The following PLCB1 variants were observed in gnomAD, a reference collection of about 807,000 sequenced individuals.
PLCB1 encodes the protein phospholipase C beta 1.
PLCB1 carries 46 observed loss-of-function variants against 161.8 expected under a neutral mutation model. The observed-to-expected ratio is 0.28, with a 90% CI of 0.22 to 0.36. The LOEUF is 0.36. Ranked by LOEUF, PLCB1 falls within the 10% of genes least tolerant of loss-of-function variation. The probability of loss-of-function intolerance (pLI) is 1.00; values close to 1 mark genes in which losing one functional copy is unlikely to be tolerated. For missense variants in PLCB1, 1,016 were observed against 1,472.5 expected (o/e 0.69, Z 5.07); for synonymous variants, 517 against 503.7 (o/e 1.03, Z -0.35).
rs150155887 is a variant in PLCB1, at chr20:8,607,398, C to T, written c.247-20896C>T. Among the ~76,000 whole-genome samples the T allele has an allele frequency of 3.2e-4, 49 of 152,296 alleles. No homozygotes were observed. The East Asian group carries it at 8.9e-3, about 28-fold the overall frequency. ...GTGTTTCAAATAGAAATCTAAACTC[C>T]ATCCCTCTAAGAGCCCTTGTGACTT... On this transcript the variant is annotated intron_variant, in intron 3 of 31. Coordinates refer to ENST00000338037, the MANE Select transcript of PLCB1 (RefSeq NM_015192.4).
rs113940475 is a variant in PLCB1 at position 8,635,983 on chromosome 20, T to G, written c.384+7552T>G. ...TTTTGAAACACTTGCGTATATTCTG[T>G]ACAAAATGTGTGCTTTATCTCGTTT... On this transcript the variant is annotated intron_variant, in intron 4 of 31. Transcript: ENST00000338037. Among the ~76,000 whole-genome samples, 1,109 of 152,332 alleles carry G rather than the reference T, an allele frequency of 7.3e-3. 15 individuals carry two copies. The highest frequency in any genetic ancestry group is 0.026 in the African/African-American group (1,061 of 41,572).
chr20:8,643,002 AT>A (rs1237046098), intron 4 of PLCB1, among the ~76,000 whole-genome samples: 1 of 152,190 alleles, frequency 6.6e-6, no homozygotes. Flanking sequence ...AGGAAAATTG[AT>A]TTTTAATTTG....
intron 31 of PLCB1, among the ~76,000 whole-genome samples, chr20:8,849,781 A>G (rs1355395491): frequency 3.3e-5 from 5 of 152,040 alleles, no homozygotes; most frequent in African/African-American, 9.7e-5. Flanking sequence ...TTGGGAGGCC[A>G]AGGTGGGCGG....
chr20:8,380,119 T>C lies in PLCB1; in HGVS notation c.246+8669T>C, dbSNP rs536428323. Among the ~76,000 whole-genome samples the C allele has an allele frequency of 5.3e-5, 8 of 152,330 alleles. No individual in the cohort carries two copies. The East Asian group carries it at 1.3e-3, about 26-fold the overall frequency. On this transcript the variant is annotated intron_variant, in intron 3 of 31. Coordinates refer to ENST00000338037, the MANE Select transcript of PLCB1 (RefSeq NM_015192.4). ...TTGGGTTTTACATTTAAGTCTTTAA[T>C]CCATCTTGAGTTAATTTTTGTATAA...
chr20:8,355,048 C>A (rs1396162294), intron 2 of PLCB1, among the ~76,000 whole-genome samples: 1 of 152,086 alleles, frequency 6.6e-6, no homozygotes, highest in African/African-American at 2.4e-5. Context: ...TGAAATGGAA[C>A]CCTAGTTGTA....
chr20:8,581,365 T>C (rs1223717448), intron 3 of PLCB1, among the ~76,000 whole-genome samples: 1 of 152,170 alleles, frequency 6.6e-6, no homozygotes, highest in Middle Eastern at 3.2e-3. Flanking sequence ...AGAAGTGACT[T>C]GGCGACCATT....
At chr20:8,817,587 G>A (rs1366363595) in intron 31 of PLCB1, among the ~76,000 whole-genome samples, 1 of 152,206 alleles carries the variant, frequency 6.6e-6, no homozygotes, top group Non-Finnish European at 1.5e-5. Flanking sequence ...ATTTAAATCT[G>A]TCTCATCCTG....
chr20:8,269,461 T>C (rs17430630), intron 2 of PLCB1, among the ~76,000 whole-genome samples: 31,711 of 152,112 alleles, frequency 0.21, 3,926 homozygotes, highest in Non-Finnish European at 0.28. Flanking sequence ...ATAATGCATG[T>C]CAAAGGAGTT....
rs374845373 is a variant in PLCB1, at chr20:8,541,608, G to GAAA, written c.247-86686_247-86685insAAA. On this transcript the variant is annotated intron_variant, in intron 3 of 31. Transcript: ENST00000338037. ...AGAAAGAAAGAAAGAAAGAAAGAAAGGAAGGAAGATAGTAATGAAATGTGG... is the reference window on the plus strand; with the variant it reads ...AGAAAGAAAGAAAGAAAGAAAGAAAGAAAGAAGGAAGATAGTAATGAAATGTGG... Among the ~76,000 whole-genome samples, 1,360 of 144,858 alleles carry GAAA rather than the reference G, an allele frequency of 9.4e-3. 7 individuals are homozygous for GAAA. The highest frequency in any genetic ancestry group is 0.029 in the Middle Eastern group (8 of 278).
chr20:8,644,459 ATGTGAGGAG>A, intron 4 of PLCB1, among the ~76,000 whole-genome samples: 1 of 146,410 alleles, frequency 6.8e-6, no homozygotes, highest in Non-Finnish European at 1.5e-5. Flanking sequence ...CCCATCTGGG[ATGTGAGGAG>A]CGCCTCTGCC....
At chr20:8,864,310 C>T (rs1224270142) in intron 31 of PLCB1, among the ~76,000 whole-genome samples, 1 of 152,172 alleles carries the variant, frequency 6.6e-6, no homozygotes, top group African/African-American at 2.4e-5. Context: ...GTCACTCCCT[C>T]CTTTGTGTTA....
chr20:8,340,874 T>C (rs907959612), intron 2 of PLCB1, among the ~76,000 whole-genome samples: 5 of 152,158 alleles, frequency 3.3e-5, no homozygotes, highest in Admixed American at 3.3e-4. Flanking sequence ...AGAGAGGACT[T>C]CATGAGCCCT....
At chr20:8,513,740 T>C (rs1435747973) in intron 3 of PLCB1, among the ~76,000 whole-genome samples, 1 of 152,162 alleles carries the variant, frequency 6.6e-6, no homozygotes, top group Admixed American at 6.5e-5. Flanking sequence ...TCAGGTGCAG[T>C]GGCTCATGCT....
intron 31 of PLCB1, among the ~76,000 whole-genome samples, chr20:8,795,352 A>G (rs1373599211): frequency 1.3e-5 from 2 of 152,188 alleles, no homozygotes; most frequent in Non-Finnish European, 2.9e-5. Flanking sequence ...TCAATTTGAC[A>G]CAAAATGATG....
intron 31 of PLCB1, chr20:8,880,901 CTG>C (rs1196702942): frequency 8.4e-6 from 1 of 119,216 alleles, no homozygotes; most frequent in Non-Finnish European, 1.6e-5. Flanking sequence ...GAGTCTCACT[CTG>C]TCGCCCAGAC....
intron 3 of PLCB1, among the ~76,000 whole-genome samples, chr20:8,521,570 T>C (rs968055034): frequency 6.6e-6 from 1 of 152,008 alleles, no homozygotes; most frequent in African/African-American, 2.4e-5. Context: ...CTGGGTGTGG[T>C]GGTGTGTGCC....
chr20:8,240,595 C>T (rs896871900), intron 2 of PLCB1, among the ~76,000 whole-genome samples: 5 of 151,798 alleles, frequency 3.3e-5, no homozygotes, highest in Non-Finnish European at 5.9e-5. Context: ...TATTGGCCTT[C>T]TTTGGGATAC....
At chr20:8,719,576 CCTATATA>C (rs542773625) in intron 14 of PLCB1, among the ~76,000 whole-genome samples, 80 of 152,194 alleles carry the variant, frequency 5.3e-4, no homozygotes, top group African/African-American at 1.9e-3. Context: ...TATGATTTAA[CCTATATA>C]ACACACAAAA....
At chr20:8,522,947 A>G (rs1984409875) in intron 3 of PLCB1, among the ~76,000 whole-genome samples, 1 of 152,154 alleles carries the variant, frequency 6.6e-6, no homozygotes, top group Admixed American at 6.5e-5. Context: ...AATGCCAGTC[A>G]ATTGCTGGGA....
Sources: gnomAD v4.1 joint callset for allele counts (sites outside exome capture counted in the v4.1 genomes callset) on GRCh38, gnomAD v4.1.1 for gene constraint, MANE v1.5 for transcripts, NCBI Gene and HGNC (gene_info 2026-07-23, HGNC 2026-07-21) for gene names.